The following TBL1X variants were observed in gnomAD, a reference collection of about 807,000 sequenced individuals.
TBL1X encodes transducin beta like 1 X-linked.
TBL1X carries 10 observed loss-of-function variants against 50.7 expected under a neutral mutation model. The observed-to-expected ratio is 0.20, with a 90% CI of 0.12 to 0.33. TBL1X has a LOEUF of 0.33. TBL1X is among the 10% of genes least tolerant of loss of function. TBL1X has a pLI of 1.00. For synonymous variants in TBL1X, 190 were observed against 214.7 expected, an observed-to-expected ratio of 0.88 and a Z score of 1.01; for missense variants, 340 against 504.4, an observed-to-expected ratio of 0.67 and a Z score of 3.12.
At chrX:9,493,869 T>C (rs1167711509) in intron 1 of TBL1X, among the ~76,000 whole-genome samples, 1 of 111,991 alleles carries the variant, frequency 8.9e-6, no homozygotes, top group African/African-American at 3.2e-5. Context: ...AAGAACCCTC[T>C]CGTGGGAACA....
At chrX:9,585,969 C>A (rs1404567252) in intron 2 of TBL1X, among the ~76,000 whole-genome samples, 1 of 111,175 alleles carries the variant, frequency 9.0e-6, no homozygotes, top group Non-Finnish European at 1.9e-5. Context: ...TGGGTACCAT[C>A]AAAAAAACAA....
rs998585579 is a variant in TBL1X at position 9,465,128 on chromosome X, TGCCGCCGCCGCC to T, written c.-511_-500del. ...CTCCCGCTGTCCCGCCCTCTCCCGCTGCCGCCGCCGCCGCCGCCGCGCCCGCCTCAGCGCCCC... is the reference window on the plus strand; with the variant it reads ...CTCCCGCTGTCCCGCCCTCTCCCGCTGCCGCCGCGCCCGCCTCAGCGCCCC... On this transcript the variant is annotated 5_prime_UTR_variant, in exon 1 of 18. Coordinates refer to ENST00000645353, the MANE Select transcript of TBL1X (RefSeq NM_005647.4). 7.1e-4 allele frequency: 79 copies of T among 111,990 alleles called. No individual in the cohort carries two copies. Among genetic ancestry groups the T allele is most frequent in the Non-Finnish European group, 3.7e-4 (20 of 54,298 alleles). The allele number at this position is 111,990 out of a possible 1,213,427, so 9.2% of individuals were successfully genotyped here.
intron 2 of TBL1X, among the ~76,000 whole-genome samples, chrX:9,625,959 A>G (rs890656589): frequency 5.4e-5 from 6 of 111,430 alleles, no homozygotes; most frequent in Non-Finnish European, 1.1e-4. Flanking sequence ...TTTTATTTTA[A>G]GATAGGTCAT....
At position 9,465,128 on chromosome X, in the gene TBL1X, TGCCGCC is replaced by T. The variant is rs998585579; in HGVS notation, c.-505_-500del. 4.5e-5 allele frequency: 5 copies of T among 111,959 alleles called. No homozygotes were observed. The East Asian group carries it at 8.7e-4, about 19-fold the overall frequency. The allele number at this position is 111,959 out of a possible 1,213,427, so 9.2% of individuals were successfully genotyped here. On this transcript the variant is annotated 5_prime_UTR_variant, in exon 1 of 18. Transcript: ENST00000645353. ...CTCCCGCTGTCCCGCCCTCTCCCGC[TGCCGCC>T]GCCGCCGCCGCCGCGCCCGCCTCAG...
At chrX:9,652,687 A>T (rs1425724312) in intron 3 of TBL1X, among the ~76,000 whole-genome samples, 1 of 110,801 alleles carries the variant, frequency 9.0e-6, no homozygotes, top group Non-Finnish European at 1.9e-5. Context: ...TGTCTCTACA[A>T]AAAGAACCAA....
At chrX:9,640,512 G>T (rs1805207938) in intron 3 of TBL1X, among the ~76,000 whole-genome samples, 152 bp downstream of exon 3, 3 of 112,569 alleles carry the variant, frequency 2.7e-5, no homozygotes, top group Admixed American at 1.9e-4. Flanking sequence ...AAGGTTGAAG[G>T]TAGTAGACAG....
intron 2 of TBL1X, among the ~76,000 whole-genome samples, chrX:9,612,987 T>C (rs2082620915): frequency 9.1e-6 from 1 of 109,826 alleles, no homozygotes; most frequent in Admixed American, 9.7e-5. Context: ...ACTACCTTTT[T>C]ACATTTTCAA....
At chrX:9,466,620 G>C (rs1025171080) in intron 1 of TBL1X, among the ~76,000 whole-genome samples, 6 of 112,453 alleles carry the variant, frequency 5.3e-5, no homozygotes, top group Admixed American at 3.7e-4. Flanking sequence ...ACATCGCCCA[G>C]TCCCTGGTTT....
intron 12 of TBL1X, among the ~76,000 whole-genome samples, chrX:9,698,721 G>T (rs184409554): frequency 2.6e-3 from 287 of 111,974 alleles, no homozygotes; most frequent in African/African-American, 8.8e-3. Flanking sequence ...TTAGGGGAGG[G>T]TGGGAACTCT....
chrX:9,491,334 A>ATTTTTT (rs1403355557), intron 1 of TBL1X, among the ~76,000 whole-genome samples: 1 of 23,379 alleles, frequency 4.3e-5, no homozygotes, highest in African/African-American at 1.9e-4. Flanking sequence ...ATATATATAT[A>ATTTTTT]TATATTTTTT....
intron 2 of TBL1X, among the ~76,000 whole-genome samples, chrX:9,588,707 A>T (rs1259664947): frequency 9.2e-6 from 1 of 108,884 alleles, no homozygotes; most frequent in African/African-American, 3.4e-5. Context: ...AGGTTCAAGC[A>T]TTCTCCTGCC....
At chrX:9,475,490 C>T (rs749673685) in intron 1 of TBL1X, among the ~76,000 whole-genome samples, 54 of 109,928 alleles carry the variant, frequency 4.9e-4, no homozygotes, top group Non-Finnish European at 9.3e-4. Flanking sequence ...AAGTGATCTG[C>T]CTGCCTCGGC....
intron 5 of TBL1X, among the ~76,000 whole-genome samples, chrX:9,669,429 A>G (rs1447872689): frequency 2.7e-5 from 3 of 111,705 alleles, no homozygotes; most frequent in East Asian, 5.6e-4. Flanking sequence ...GTCCATCCCA[A>G]TCTGTCTGTC....
At chrX:9,665,809 C>G (rs1039516797) in intron 5 of TBL1X, among the ~76,000 whole-genome samples, 5 of 108,006 alleles carry the variant, frequency 4.6e-5, no homozygotes, top group African/African-American at 1.3e-4. Flanking sequence ...ATCTAAGGCT[C>G]TGTTCCGTGT....
In TBL1X at chrX:9,610,899, GTA is replaced by G. The variant is rs527675793; in HGVS notation, c.-130-29372_-130-29371del. Among the ~76,000 whole-genome samples, 119 of 112,091 alleles carry G rather than the reference GTA, an allele frequency of 1.1e-3. 1 individual carries two copies. Among genetic ancestry groups the G allele is most frequent in the South Asian group, 1.8e-3 (5 of 2,724 alleles). On this transcript the variant is annotated intron_variant, in intron 2 of 17. Transcript: ENST00000645353. ...CAGATTTAGCTTCTTAATGATGTTT[GTA>G]TGTTTTTCCTCAAAAGTGTATTGAC...
chrX:9,686,531 C>A lies in TBL1X; in HGVS notation c.358-1486C>A, dbSNP rs144697380. ...TGGCCAATATAATGAGACCCTATCT[C>A]TACATAAAATAAAAAAAATTAGCCA... On this transcript the variant is annotated intron_variant, in intron 6 of 17. Transcript: ENST00000645353. Among the ~76,000 whole-genome samples, 43 of 112,040 alleles carry A rather than the reference C, an allele frequency of 3.8e-4. 1 individual carries two copies. The East Asian group carries it at 0.012, about 31-fold the overall frequency.
At chrX:9,531,849 C>A in intron 2 of TBL1X, among the ~76,000 whole-genome samples, 1 of 110,869 alleles carries the variant, frequency 9.0e-6, no homozygotes, top group East Asian at 2.8e-4. Flanking sequence ...TCTCCTGCCT[C>A]AGTCCCCCTA....
rs937858518 is a variant in TBL1X, at chrX:9,643,834, C to G, written c.-43+3474C>G. Among the ~76,000 whole-genome samples the G allele has an allele frequency of 2.7e-5, 3 of 112,184 alleles. No homozygotes were observed. In the East Asian group the frequency reaches 8.4e-4, roughly 31 times the overall value. On this transcript the variant is annotated intron_variant, in intron 3 of 17. Coordinates refer to ENST00000645353, the MANE Select transcript of TBL1X (RefSeq NM_005647.4). Reference sequence around the variant, plus strand: ...TATGATTGCACCACTGCACTCCAGCCTGGGCAACACAGTGAGACCCTGTCA... The same window carrying G: ...TATGATTGCACCACTGCACTCCAGCGTGGGCAACACAGTGAGACCCTGTCA...
At position 9,489,259 on chromosome X, in the gene TBL1X, G is replaced by A. The variant is rs1468184710; in HGVS notation, c.-200-12521G>A. 1.5e-4 allele frequency among the ~76,000 whole-genome samples: 17 copies of A among 110,556 alleles called. No homozygotes were observed. In the Admixed American group the frequency reaches 1.6e-3, roughly 11 times the overall value. On this transcript the variant is annotated intron_variant, in intron 1 of 17. Coordinates refer to ENST00000645353, the MANE Select transcript of TBL1X (RefSeq NM_005647.4). ...CAGGACTTTGCAGATGCTGTGTGTG[G>A]ATTTCTGGGGCCTGAATCAAGAGCC...
Sources: gnomAD v4.1 joint callset for allele counts (sites outside exome capture counted in the v4.1 genomes callset) on GRCh38, gnomAD v4.1.1 for gene constraint, MANE v1.5 for transcripts, NCBI Gene and HGNC (gene_info 2026-07-23, HGNC 2026-07-21) for gene names.